Variants in ZNF814 observed in about 807,000 individuals in gnomAD.
The protein encoded by ZNF814 is zinc finger protein 814.
ZNF814 carries 5 observed loss-of-function variants against 7.5 expected under a neutral mutation model. The ratio of observed to expected loss-of-function variants is 0.67; its 90% CI spans 0.35 to 1.40. The LOEUF (loss-of-function observed/expected upper bound fraction) is 1.40, where lower values mean the gene tolerates loss of function less well. ZNF814 is among the 40% of genes most tolerant of loss of function. The pLI is 0.04. For synonymous variants in ZNF814, 315 were observed against 340.7 expected (o/e 0.92, Z 0.83); for missense variants, 962 against 1,018.0 (o/e 0.94, Z 0.75).
In ZNF814 at chr19:57,873,798, G is replaced by A. The variant is rs745366659; in HGVS notation, c.1592C>T (p.Ser531Leu). Residue 531 changes from serine (S) to leucine (L), a missense_variant, in exon 3 of 3, where the codon TCA becomes TTA. This residue lies in a region of ZNF814 where 665 missense variants were observed against 551.4 expected (regional missense o/e 1.21). Coordinates refer to ENST00000435989, the MANE Select transcript of ZNF814 (RefSeq NM_001144989.2). ...CTGATGGTTCCTAAGATGTCCTTTTGAACTAAATGATTTCCCACATTCTCC... is the reference window on the plus strand; with the variant it reads ...CTGATGGTTCCTAAGATGTCCTTTTAAACTAAATGATTTCCCACATTCTCC... ...ECGECGKSFS[S>L]KGHLRNHQQI... 6.2e-7 allele frequency: 1 copy of A among 1,611,404 alleles called. No homozygotes were observed. The highest frequency in any genetic ancestry group is 1.1e-5 in the South Asian group (1 of 90,926).
At chr19:57,883,760 C>CT (rs1186359079) in intron 1 of ZNF814, among the ~76,000 whole-genome samples, 3 of 151,410 alleles carry the variant, frequency 2.0e-5, no homozygotes, top group African/African-American at 7.3e-5. Flanking sequence ...GCAAAGATTT[C>CT]TTTATTTTTT....
the ZNF814 span, chr19:57,901,854 T>C: frequency 7.5e-6 from 3 of 397,400 alleles, no homozygotes; most frequent in Non-Finnish European, 1.3e-5. Flanking sequence ...ATTTCCTCCT[T>C]TAATTAGGTC....
At chr19:57,904,389 CTTGTCTTGTCTCA>C in the ZNF814 span, among the ~76,000 whole-genome samples, 1 of 152,166 alleles carries the variant, frequency 6.6e-6, no homozygotes, top group Admixed American at 6.5e-5. Context: ...CCTATGTACT[CTTGTCTTGTCTCA>C]TTCCTTTGAC....
upstream of ZNF814, among the ~76,000 whole-genome samples, chr19:57,893,416 T>G (rs1021498802): frequency 2.6e-5 from 4 of 151,732 alleles, no homozygotes; most frequent in Non-Finnish European, 2.9e-5. Context: ...TCAGGTGATC[T>G]GCCCGCCTGG....
At chr19:57,890,089 G>C (rs1397062230), upstream of ZNF814, among the ~76,000 whole-genome samples, 1 of 152,106 alleles carries the variant, frequency 6.6e-6, no homozygotes, top group African/African-American at 2.4e-5. Context: ...TGGTCCTTCA[G>C]ATGCAAAATT....
Position 57,872,711 on chromosome 19 carries a change from G to A in ZNF814, c.*111C>T. 6.2e-7 allele frequency: 1 copy of A among 1,605,940 alleles called. No homozygotes were observed. Among genetic ancestry groups the A allele is most frequent in the Non-Finnish European group, 8.5e-7 (1 of 1,175,102 alleles). On this transcript the variant is annotated 3_prime_UTR_variant, in exon 3 of 3. Coordinates refer to ENST00000435989, the MANE Select transcript of ZNF814 (RefSeq NM_001144989.2). ...ATGAACACAGAATGCAGAGCTGTGG[G>A]TAGATGACTTCCCACAATCACTGCA...
the ZNF814 span, among the ~76,000 whole-genome samples, chr19:57,904,540 T>C: frequency 2.0e-5 from 3 of 152,206 alleles, no homozygotes; most frequent in East Asian, 5.8e-4. Context: ...TTCACTGAGA[T>C]GCTGGACACT....
intron 1 of ZNF814, among the ~76,000 whole-genome samples, chr19:57,882,891 G>A (rs1449697012): frequency 1.3e-5 from 2 of 152,110 alleles, no homozygotes; most frequent in African/African-American, 2.4e-5. Context: ...CCAGGAAAAC[G>A]TGACCTCACC....
chr19:57,898,417 A>C, the ZNF814 span, among the ~76,000 whole-genome samples: 1 of 152,222 alleles, frequency 6.6e-6, no homozygotes, highest in African/African-American at 2.4e-5. Context: ...AACCTTTAGA[A>C]CTAAAAGGGC....
At chr19:57,902,178 T>G in the ZNF814 span, among the ~76,000 whole-genome samples, 5 of 152,192 alleles carry the variant, frequency 3.3e-5, no homozygotes, top group Non-Finnish European at 7.3e-5. Context: ...CAAACTCGAA[T>G]GTAAACAAAA....
At chr19:57,885,459 T>C (rs1456672335) in intron 1 of ZNF814, among the ~76,000 whole-genome samples, 1 of 151,646 alleles carries the variant, frequency 6.6e-6, no homozygotes, top group African/African-American at 2.4e-5. Context: ...TGAAACCCCA[T>C]CTCTACTATA....
At position 57,876,958 on chromosome 19, in the gene ZNF814, G is replaced by A. The variant is rs776576734; in HGVS notation, c.121C>T (p.Arg41Cys). The change falls in exon 2 of 3, where the codon CGT (arginine) becomes TGT (cysteine). Residue 41 changes from arginine to cysteine, a missense_variant. Transcript: ENST00000435989. Reference protein sequence around the residue: ...LLSEAQRCLYRDVTLENLALI... With the variant: ...LLSEAQRCLYCDVTLENLALI... ...GCCAGGTTCTCCAGCGTCACATCAC[G>A]GTACAGGCATCTCTGAGCCTCACTA... The A allele has an allele frequency of 5.8e-5, 94 of 1,613,958 alleles. 1 individual carries two copies. The highest frequency in any genetic ancestry group is 1.6e-4 in the Middle Eastern group (1 of 6,082).
At chr19:57,893,952 T>A (rs947238204), upstream of ZNF814, among the ~76,000 whole-genome samples, 14 of 148,930 alleles carry the variant, frequency 9.4e-5, no homozygotes, top group Admixed American at 6.7e-4. Context: ...TGCATGTTGG[T>A]GTGCACCTGT....
chr19:57,873,298 TAAATA>T lies in ZNF814; in HGVS notation c.2087_2091del (p.Leu696Ter). The T allele has an allele frequency of 6.3e-7, 1 of 1,589,986 alleles. No homozygotes were observed. Among genetic ancestry groups the T allele is most frequent in the Non-Finnish European group, 8.6e-7 (1 of 1,167,596 alleles). ...TGTACAAGGAGGTGAGACTTCTTCT[TAAATA>T]ATTTTCCACATTCCCTACATACATA... is the stretch of plus-strand genomic sequence containing the variant. On this transcript the variant is annotated frameshift_variant, in exon 3 of 3. Coordinates refer to ENST00000435989, the MANE Select transcript of ZNF814 (RefSeq NM_001144989.2). LOFTEE classifies it low-confidence loss of function (END_TRUNC).
the ZNF814 span, among the ~76,000 whole-genome samples, chr19:57,897,726 G>A: frequency 1.3e-5 from 2 of 152,150 alleles, no homozygotes; most frequent in East Asian, 3.9e-4. Flanking sequence ...ATGGGTGTTA[G>A]GGGCCCTTTA....
rs1320005171 is a variant in ZNF814, at chr19:57,872,971, T to C, written c.2419A>G (p.Lys807Glu). 8 of 1,613,878 alleles carry C rather than the reference T, an allele frequency of 5.0e-6. No individual in the cohort carries two copies. The highest frequency in any genetic ancestry group is 1.7e-5 in the Admixed American group (1 of 59,982). ...AGACTGGAGCTTTCAGCAAAAGATTTTCCACATTCACTGCACTCATAAGGC... is the reference window on the plus strand; with the variant it reads ...AGACTGGAGCTTTCAGCAAAAGATTCTCCACATTCACTGCACTCATAAGGC... ...EKPYECSECG[K>E]SFAESSSLTK... The change falls in exon 3 of 3, where the codon AAA becomes GAA. Residue 807 changes from lysine (K) to glutamate (E), a missense_variant. Lys to Glu is a moderately conservative substitution (Grantham distance 56). Coordinates refer to ENST00000435989, the MANE Select transcript of ZNF814 (RefSeq NM_001144989.2).
At chr19:57,901,539 A>C in the ZNF814 span, 1 of 398,266 alleles carries the variant, frequency 2.5e-6, no homozygotes, top group Non-Finnish European at 4.4e-6. Context: ...CAAACATCTG[A>C]AGGTCTATCA....
upstream of ZNF814, among the ~76,000 whole-genome samples, chr19:57,892,561 C>A (rs1272861952): frequency 6.6e-6 from 1 of 152,202 alleles, no homozygotes; most frequent in East Asian, 1.9e-4. Flanking sequence ...CTGCTGTTCT[C>A]TTTGGAATAA....
Position 57,873,111 on chromosome 19 carries a change from CAG to C in ZNF814, c.2277_2278del (p.Phe759LeufsTer4), listed in dbSNP as rs769256600. On this transcript the variant is annotated frameshift_variant, in exon 3 of 3. Coordinates refer to ENST00000435989, the MANE Select transcript of ZNF814 (RefSeq NM_001144989.2). LOFTEE classifies it low-confidence loss of function (END_TRUNC). ...TCCAGTGTGAATTCGCTTATGAACA[CAG>C]AATGTAGAGCTGTGGGTAAATGATT... 6.2e-7 allele frequency: 1 copy of C among 1,613,718 alleles called. No individual in the cohort carries two copies. Among genetic ancestry groups the C allele is most frequent in the South Asian group, 1.1e-5 (1 of 91,036 alleles).
Sources: gnomAD v4.1 joint callset for allele counts (sites outside exome capture counted in the v4.1 genomes callset) on GRCh38, gnomAD v4.1.1 for gene constraint, gnomAD v4.1.1 regional missense constraint, MANE v1.5 for transcripts, NCBI Gene and HGNC (gene_info 2026-07-23, HGNC 2026-07-21) for gene names.